Variants in CHM observed in about 807,000 individuals in gnomAD.
The protein encoded by CHM is rab proteins geranylgeranyltransferase component A 1.
CHM carries 10 observed loss-of-function variants against 49.0 expected under a neutral mutation model. The observed-to-expected ratio is 0.20, with a 90% CI of 0.13 to 0.35. The LOEUF is 0.35. CHM is among the 10% of genes least tolerant of loss of function. CHM has a pLI of 1.00. For synonymous variants in CHM, 184 were observed against 167.5 expected, an observed-to-expected ratio of 1.10 and a Z score of -0.76; for missense variants, 455 against 478.4, an observed-to-expected ratio of 0.95 and a Z score of 0.46.
intron 1 of CHM, among the ~76,000 whole-genome samples, chrX:86,032,737 A>G (rs1472518554): frequency 1.8e-5 from 2 of 111,821 alleles, no homozygotes; most frequent in African/African-American, 3.2e-5. Context: ...GCAAGACAAC[A>G]ACTTTGGCAA....
At chrX:85,865,911 C>T (rs1483385274) in intron 14 of CHM, among the ~76,000 whole-genome samples, 2 of 112,366 alleles carry the variant, frequency 1.8e-5, no homozygotes, top group Non-Finnish European at 3.8e-5. Flanking sequence ...GGTGACCCAG[C>T]TGATTCTGAA....
rs1382467511 is a variant in CHM, at chrX:85,963,848, T to A, written c.519A>T (p.Glu173Asp). ...AATGGTTTTCTTTTTCCCCTGTCAC[T>A]TCAGCACCATTTACTTCTAGCGCAT... ...PENALEVNGA[E>D]VTGEKENHCD... Residue 173 changes from glutamate (E) to aspartate (D), a missense_variant, in exon 5 of 15, where the codon GAA (glutamate) becomes GAT (aspartate). By Grantham distance (45) the Glu-to-Asp change is conservative. Transcript: ENST00000357749. 8.3e-7 allele frequency: 1 copy of A among 1,211,393 alleles called. No individual in the cohort carries two copies. Among genetic ancestry groups the A allele is most frequent in the East Asian group, 3.0e-5 (1 of 33,827 alleles).
chrX:85,977,413 A>G (rs1931337758), intron 4 of CHM, among the ~76,000 whole-genome samples: 2 of 112,330 alleles, frequency 1.8e-5, no homozygotes, highest in Admixed American at 9.4e-5. Context: ...TACAAACGAA[A>G]CTGAAGAGAT....
At chrX:85,894,536 A>C (rs935836883) in intron 11 of CHM, among the ~76,000 whole-genome samples, 2 of 111,604 alleles carry the variant, frequency 1.8e-5, no homozygotes, top group African/African-American at 6.5e-5. Flanking sequence ...TAGGTTTCTT[A>C]CTATAAACTT....
At chrX:85,918,837 A>C (rs1927613222) in intron 8 of CHM, among the ~76,000 whole-genome samples, 1 of 112,059 alleles carries the variant, frequency 8.9e-6, no homozygotes, top group South Asian at 3.7e-4. Flanking sequence ...AGACTTAACT[A>C]TCCTAAATGC....
intron 12 of CHM, among the ~76,000 whole-genome samples, chrX:85,883,982 G>A (rs1466181103): frequency 3.6e-5 from 4 of 110,635 alleles, no homozygotes; most frequent in Admixed American, 2.9e-4. Context: ...AATGTCGAAT[G>A]GAAGGGCTGC....
At chrX:85,913,068 T>C (rs1185349153) in intron 8 of CHM, among the ~76,000 whole-genome samples, 1 of 97,562 alleles carries the variant, frequency 1.0e-5, no homozygotes, top group Non-Finnish European at 2.0e-5. Flanking sequence ...CCCACGCCTG[T>C]AATCCTAGCA....
chrX:85,998,327 G>C (rs1356941659), intron 2 of CHM, among the ~76,000 whole-genome samples: 1 of 110,927 alleles, frequency 9.0e-6, no homozygotes, highest in Non-Finnish European at 1.9e-5. Flanking sequence ...TCCTTCATCT[G>C]TCATGAAACT....
At chrX:85,964,360 C>A (rs1930466408) in intron 4 of CHM, among the ~76,000 whole-genome samples, 1 of 110,188 alleles carries the variant, frequency 9.1e-6, no homozygotes, top group Admixed American at 9.6e-5. Flanking sequence ...GTAAGCTCTG[C>A]GAACTTAGAT....
chrX:85,947,106 G>C (rs1247391558), intron 8 of CHM, among the ~76,000 whole-genome samples: 1 of 112,479 alleles, frequency 8.9e-6, no homozygotes, highest in East Asian at 2.8e-4. Context: ...ATTTGAATTT[G>C]AGACTTGGGA....
intron 8 of CHM, among the ~76,000 whole-genome samples, chrX:85,952,566 C>T (rs915741552): frequency 3.6e-5 from 4 of 112,340 alleles, no homozygotes; most frequent in African/African-American, 1.3e-4. Flanking sequence ...AACAGTAATA[C>T]CCAGGTAGTA....
chrX:85,993,437 C>T (rs745688204), intron 2 of CHM, among the ~76,000 whole-genome samples: 26 of 111,378 alleles, frequency 2.3e-4, no homozygotes, highest in Non-Finnish European at 4.5e-4. Context: ...TTATTTCAGG[C>T]CCTCACTCCC....
intron 8 of CHM, among the ~76,000 whole-genome samples, chrX:85,936,268 C>A (rs1418544261): frequency 8.9e-6 from 1 of 112,068 alleles, no homozygotes; most frequent in African/African-American, 3.2e-5. Flanking sequence ...ATAAATTAAT[C>A]TTTCAGTAAT....
intron 8 of CHM, among the ~76,000 whole-genome samples, chrX:85,932,265 T>G (rs192415101): frequency 2.6e-3 from 291 of 111,994 alleles, no homozygotes; most frequent in African/African-American, 9.2e-3. Flanking sequence ...ACATTTCTAG[T>G]ATTAAGACTA....
intron 13 of CHM, among the ~76,000 whole-genome samples, chrX:85,877,291 CCT>C (rs1186789226): frequency 9.0e-6 from 1 of 111,325 alleles, no homozygotes; most frequent in African/African-American, 3.3e-5. Flanking sequence ...TTGATATTAG[CCT>C]CTGAGAACAT....
chrX:85,917,066 G>A (rs896608502), intron 8 of CHM, among the ~76,000 whole-genome samples: 1 of 112,380 alleles, frequency 8.9e-6, no homozygotes, highest in Non-Finnish European at 1.9e-5. Flanking sequence ...ATGACAGAAT[G>A]GATAAAGAAA....
In CHM at chrX:85,900,703, G is replaced by T; in HGVS notation, c.1356C>A (p.Ile452=). The change falls in exon 11 of 15, where the codon ATC becomes ATA. Residue 452 remains isoleucine, a synonymous_variant. Coordinates refer to ENST00000357749, the MANE Select transcript of CHM (RefSeq NM_000390.4). ...TATCTGTAATCAGCACTGCCCTGGA[G>T]ATCTGCCTGTAATGCACAAAACAGT... ...NMCSRVQYRQ[I]SRAVLITDRS... 8.5e-7 allele frequency: 1 copy of T among 1,182,182 alleles called. No individual in the cohort carries two copies. The highest frequency in any genetic ancestry group is 1.8e-5 in the South Asian group (1 of 55,411).
At chrX:85,988,688 C>G (rs996308932) in intron 2 of CHM, among the ~76,000 whole-genome samples, 2 of 111,467 alleles carry the variant, frequency 1.8e-5, no homozygotes, top group Admixed American at 1.9e-4. Flanking sequence ...AAATCCCTAC[C>G]ATTCCCATGC....
intron 7 of CHM, among the ~76,000 whole-genome samples, chrX:85,957,011 T>C (rs1287266830): frequency 9.0e-6 from 1 of 111,202 alleles, no homozygotes; most frequent in Non-Finnish European, 1.9e-5. Context: ...ACAGAAATAA[T>C]TTACATAAAT....
Sources: allele counts gnomAD v4.1 joint callset (sites outside exome capture counted in the v4.1 genomes callset), GRCh38; gene constraint gnomAD v4.1.1; transcripts MANE v1.5; gene names NCBI Gene and HGNC (gene_info 2026-07-23, HGNC 2026-07-21).